The following MED13L variants were observed in gnomAD, a reference collection of about 807,000 sequenced individuals.
The protein encoded by MED13L is mediator of RNA polymerase II transcription subunit 13-like.
MED13L carries 7 observed loss-of-function variants against 220.9 expected under a neutral mutation model. That is an observed-to-expected ratio of 0.03 (90% CI 0.02 to 0.06). The LOEUF (loss-of-function observed/expected upper bound fraction) is 0.06. Among genes scored for constraint, MED13L ranks in the 10% least tolerant of loss-of-function variants. The pLI is 1.00. For missense variants in MED13L, 1,965 were observed against 2,760.5 expected (o/e 0.71, Z 6.46); for synonymous variants, 1,011 against 1,015.2 (o/e 1.00, Z 0.08).
At chr12:116,127,920 C>T (rs1875730438) in intron 2 of MED13L, among the ~76,000 whole-genome samples, 1 of 152,162 alleles carries the variant, frequency 6.6e-6, no homozygotes, top group African/African-American at 2.4e-5. Flanking sequence ...CCTCTGTCTA[C>T]CTCTTCCAAC....
chr12:116,102,691 C>CTTTTT (rs1873158460), intron 3 of MED13L, among the ~76,000 whole-genome samples: 1 of 91,128 alleles, frequency 1.1e-5, no homozygotes, highest in African/African-American at 4.3e-5. Flanking sequence ...CCTATATTTT[C>CTTTTT]TTTTTCTTTT....
At position 115,991,612 on chromosome 12, in the gene MED13L, A is replaced by G. The variant is rs756435028; in HGVS notation, c.3342T>C (p.Ile1114=). ...PEAHSLYVTL[I]LSDSVMNIFK... ...AGATATTCATCACGGAATCGGAGAG[A>G]ATCAGGGTAACATAGAGGCTGTGGG... Residue 1114 remains isoleucine (I), a synonymous_variant, in exon 17 of 31, where the codon ATT becomes ATC. Coordinates refer to ENST00000281928, the MANE Select transcript of MED13L (RefSeq NM_015335.5). This position sits in a 1 kb window ranked among gnomAD's most constrained non-coding sequence, Gnocchi z 7.7. The G allele has an allele frequency of 6.8e-6, 11 of 1,614,094 alleles. No individual in the cohort carries two copies. Among genetic ancestry groups the G allele is most frequent in the Non-Finnish European group, 9.3e-6 (11 of 1,180,000 alleles).
chr12:116,046,192 G>C (rs936401675), intron 4 of MED13L, among the ~76,000 whole-genome samples: 16 of 152,154 alleles, frequency 1.1e-4, no homozygotes, highest in African/African-American at 3.6e-4. Context: ...TGAAACTGGA[G>C]TTCTGTTTGA....
At chr12:115,982,690 C>T in intron 21 of MED13L, 87 bp from the exon 22 acceptor site, 6 of 1,124,824 alleles carry the variant, frequency 5.3e-6, no homozygotes, top group South Asian at 1.3e-5. Flanking sequence ...CTAGAGCACA[C>T]AGGCTCCCTA....
Position 115,975,205 on chromosome 12 carries a change from C to A in MED13L, c.5697G>T (p.Gly1899=). Residue 1899 remains glycine, a synonymous_variant, in exon 25 of 31, where the codon GGG becomes GGT. Coordinates refer to ENST00000281928, the MANE Select transcript of MED13L (RefSeq NM_015335.5). ...MTSLPWRVVI[G]RLGRLGHGEL... The stretch of plus-strand genomic sequence containing the variant: ...CCCCATGGCCAAGACGCCCAAGTCG[C>A]CCGATTACAACTCTCCAGGGTAGAG... 1 of 1,614,168 alleles carries A rather than the reference C, an allele frequency of 6.2e-7. No homozygotes were observed.
chr12:116,127,352 A>C (rs1454592683), intron 2 of MED13L, among the ~76,000 whole-genome samples: 4 of 152,216 alleles, frequency 2.6e-5, no homozygotes, highest in Non-Finnish European at 5.9e-5. Flanking sequence ...AATAGGTTAA[A>C]AGTTCAACTG....
At chr12:116,228,894 A>G (rs188828748) in intron 2 of MED13L, among the ~76,000 whole-genome samples, 1 of 152,208 alleles carries the variant, frequency 6.6e-6, no homozygotes, top group East Asian at 1.9e-4. Flanking sequence ...AAACAAAAAA[A>G]CCCTTTACCT....
chr12:115,966,402 A>G (rs549775733), intron 28 of MED13L, among the ~76,000 whole-genome samples, 159 bp from the exon 29 acceptor site: 29 of 152,358 alleles, frequency 1.9e-4, no homozygotes, highest in African/African-American at 7.0e-4. Context: ...CGGGGCCAGC[A>G]TCGTCTTTGC....
chr12:115,971,953 C>G, intron 26 of MED13L, 125 bp downstream of exon 26: 1 of 1,150,952 alleles, frequency 8.7e-7, no homozygotes, highest in Non-Finnish European at 1.3e-6. Flanking sequence ...ATCTTTAAGC[C>G]CCAAATACAA....
intron 2 of MED13L, among the ~76,000 whole-genome samples, chr12:116,127,851 A>C (rs955668850): frequency 6.6e-6 from 1 of 152,168 alleles, no homozygotes; most frequent in African/African-American, 2.4e-5. Context: ...CTTCTCATGG[A>C]ATTAATAATC....
At chr12:116,221,193 A>T (rs1868405133) in intron 2 of MED13L, among the ~76,000 whole-genome samples, 1 of 151,946 alleles carries the variant, frequency 6.6e-6, no homozygotes. Flanking sequence ...TGGACAACAC[A>T]GTGAAACCCC....
chr12:116,261,957 G>C (rs947129363), intron 1 of MED13L, among the ~76,000 whole-genome samples: 2 of 152,078 alleles, frequency 1.3e-5, no homozygotes, highest in Admixed American at 6.6e-5. Context: ...ATACTCCACA[G>C]GGCCCACATG....
intron 13 of MED13L, among the ~76,000 whole-genome samples, chr12:116,004,254 C>T (rs1592937468): frequency 6.6e-6 from 1 of 152,168 alleles, no homozygotes; most frequent in East Asian, 1.9e-4. Flanking sequence ...CTATCCTAAC[C>T]CTCTGTATCT....
At chr12:116,046,441 T>C (rs946901057) in intron 4 of MED13L, among the ~76,000 whole-genome samples, 4 of 152,164 alleles carry the variant, frequency 2.6e-5, no homozygotes, top group African/African-American at 7.2e-5. Context: ...TTAAAAGAAA[T>C]GTTGGATATT....
At chr12:116,222,722 A>G (rs1868559523) in intron 2 of MED13L, among the ~76,000 whole-genome samples, 1 of 152,226 alleles carries the variant, frequency 6.6e-6, no homozygotes, top group Non-Finnish European at 1.5e-5. Flanking sequence ...CTTGTTTAAC[A>G]TGTATGTACC....
chr12:116,059,934 A>C (rs539384654), intron 4 of MED13L, among the ~76,000 whole-genome samples: 1 of 152,292 alleles, frequency 6.6e-6, no homozygotes, highest in East Asian at 1.9e-4. Flanking sequence ...ACATAATACA[A>C]ACTGAAATAT....
At chr12:116,050,886 CCGAGA>C (rs1868434527) in intron 4 of MED13L, among the ~76,000 whole-genome samples, 1 of 151,946 alleles carries the variant, frequency 6.6e-6, no homozygotes, top group African/African-American at 2.4e-5. Context: ...TTGCAGTGAG[CCGAGA>C]TCATGCACGC....
rs1461309697 is a variant in MED13L, at chr12:115,984,254, T to C, written c.4457A>G (p.Gln1486Arg). 1 of 1,614,090 alleles carries C rather than the reference T, an allele frequency of 6.2e-7. No individual in the cohort carries two copies. Among genetic ancestry groups the C allele is most frequent in the South Asian group, 1.1e-5 (1 of 91,076 alleles). The change falls in exon 20 of 31, where the codon CAG becomes CGG. Residue 1486 changes from glutamine (Q) to arginine (R), a missense_variant. By Grantham distance (43) the Gln-to-Arg change is conservative. Coordinates refer to ENST00000281928, the MANE Select transcript of MED13L (RefSeq NM_015335.5). ...GTCATTCTCCTCGCCGCTCCAAGGC[T>C]GGTTAAACCACTCACTCACAAGCTC... ...TDELVSEWFN[Q>R]PWSGEENDNH...
At chr12:116,041,215 T>A (rs983203969) in intron 4 of MED13L, among the ~76,000 whole-genome samples, 2 of 152,214 alleles carry the variant, frequency 1.3e-5, no homozygotes, top group Admixed American at 1.3e-4. Flanking sequence ...GCTGTTCTCA[T>A]GACAGAGTTA....
Sources: allele counts gnomAD v4.1 joint callset (sites outside exome capture counted in the v4.1 genomes callset), GRCh38; gene constraint gnomAD v4.1.1; non-coding constraint Gnocchi (gnomAD v3.1); transcripts MANE v1.5; gene names NCBI Gene and HGNC (gene_info 2026-07-23, HGNC 2026-07-21).